Variants in LEF1 observed in about 807,000 individuals in gnomAD.
LEF1 encodes the protein lymphoid enhancer binding factor 1.
Under a neutral mutation model 51.2 loss-of-function variants are expected in LEF1, and 14 were observed. The ratio of observed to expected loss-of-function variants is 0.27; its 90% CI spans 0.18 to 0.43. The LOEUF is 0.43. Among genes scored for constraint, LEF1 ranks in the 20% least tolerant of loss-of-function variants. The pLI is 1.00. For missense variants in LEF1, 386 were observed against 512.0 expected (o/e 0.75, Z 2.37); for synonymous variants, 185 against 183.2 (o/e 1.01, Z -0.08).
At chr4:108,075,391 C>T (rs773466336) in intron 8 of LEF1, 54 of 152,138 alleles carry the variant, frequency 3.5e-4, no homozygotes, top group Non-Finnish European at 7.1e-4. Flanking sequence ...AAATTATCAT[C>T]GACAATAGCT....
chr4:108,062,611 T>A (rs1291758974), intron 11 of LEF1, among the ~76,000 whole-genome samples: 4 of 152,140 alleles, frequency 2.6e-5, no homozygotes, highest in Admixed American at 2.6e-4. Flanking sequence ...GGTCGGGAAG[T>A]GATGCACAAT....
At chr4:108,074,360 C>G (rs2126280104) in intron 8 of LEF1, among the ~76,000 whole-genome samples, 1 of 152,228 alleles carries the variant, frequency 6.6e-6, no homozygotes, top group Non-Finnish European at 1.5e-5. Context: ...AAAACATTCT[C>G]ATGACAAATT....
At chr4:108,052,348 C>G (rs376663689) in intron 11 of LEF1, among the ~76,000 whole-genome samples, 1 of 152,236 alleles carries the variant, frequency 6.6e-6, no homozygotes, top group Non-Finnish European at 1.5e-5. Flanking sequence ...CTTCCTTTTA[C>G]GCCACTCTCA....
rs1475742808 is a variant in LEF1, at chr4:108,096,010, A to AT, written c.415-6754dup. 3.9e-5 allele frequency among the ~76,000 whole-genome samples: 6 copies of AT among 152,180 alleles called. No individual in the cohort carries two copies. The East Asian group carries it at 1.2e-3, about 29-fold the overall frequency. ...CCCTAATCATCTAAGTACTCCATTA[A>AT]TTTTTCATGTTGAAGAAAATACTTT... On this transcript the variant is annotated intron_variant, in intron 3 of 11. Coordinates refer to ENST00000265165, the MANE Select transcript of LEF1 (RefSeq NM_016269.5).
At chr4:108,166,458 G>A in intron 1 of LEF1, 1 of 1,395,084 alleles carries the variant, frequency 7.2e-7, no homozygotes, top group Non-Finnish European at 9.3e-7. Context: ...TCATTCGGGT[G>A]TCAGGACTTT....
In LEF1 at chr4:108,079,503, G is replaced by T. The variant is rs539588877; in HGVS notation, c.834C>A (p.Asp278Glu). ...GGGTGGATACTTACACGTGCATTAG[G>T]TCACTGTCAGTGTGGGGATGTTCCT... The part of the protein sequence containing the change: ...VKQEHPHTDS[D>E]LMHVKPQHEQ... Residue 278 changes from aspartate to glutamate, a missense_variant, in exon 7 of 12, where the codon GAC becomes GAA. Physicochemically the swap from Asp to Glu is conservative, Grantham distance 45. Coordinates refer to ENST00000265165, the MANE Select transcript of LEF1 (RefSeq NM_016269.5). The T allele has an allele frequency of 1.2e-6, 2 of 1,614,144 alleles. No homozygotes were observed. The highest frequency in any genetic ancestry group is 1.7e-6 in the Non-Finnish European group (2 of 1,180,014).
chr4:108,058,953 C>T (rs1292331854), intron 11 of LEF1, among the ~76,000 whole-genome samples: 1 of 152,174 alleles, frequency 6.6e-6, no homozygotes, highest in Non-Finnish European at 1.5e-5. Context: ...CCCAGCATTC[C>T]CACAAATGAC....
chr4:108,086,462 C>T (rs1319026965), intron 4 of LEF1, among the ~76,000 whole-genome samples: 1 of 152,086 alleles, frequency 6.6e-6, no homozygotes. Context: ...TGAGCGTAGC[C>T]TTTAAGATTT....
At chr4:108,112,061 C>T (rs1410674239) in intron 3 of LEF1, among the ~76,000 whole-genome samples, 1 of 152,178 alleles carries the variant, frequency 6.6e-6, no homozygotes, top group East Asian at 1.9e-4. Flanking sequence ...TCTGAGTATG[C>T]AAAGAGCTCG....
Position 108,089,222 on chromosome 4 carries a change from C to G in LEF1, c.450G>C (p.Ala150=). 6 of 1,613,920 alleles carry G rather than the reference C, an allele frequency of 3.7e-6. No individual in the cohort carries two copies. Among genetic ancestry groups the G allele is most frequent in the Non-Finnish European group, 5.1e-6 (6 of 1,179,956 alleles). Residue 150 remains alanine, a synonymous_variant, in exon 4 of 12, where the codon GCG becomes GCC. Coordinates refer to ENST00000265165, the MANE Select transcript of LEF1 (RefSeq NM_016269.5). ...TGATGAGGGGGGTGAGAGGATGGACCGCATGGGATGGCTGCACCACGGGCA... is the reference window on the plus strand; with the variant it reads ...TGATGAGGGGGGTGAGAGGATGGACGGCATGGGATGGCTGCACCACGGGCA... The part of the protein sequence containing the change: ...NKVPVVQPSH[A]VHPLTPLITY...
At chr4:108,114,051 A>G (rs1741690827) in intron 3 of LEF1, among the ~76,000 whole-genome samples, 1 of 152,176 alleles carries the variant, frequency 6.6e-6, no homozygotes, top group Admixed American at 6.6e-5. Flanking sequence ...ATTACTCAAA[A>G]ATTTTGAGCT....
chr4:108,123,234 ATATGAAC>A (rs1216495728), intron 3 of LEF1, among the ~76,000 whole-genome samples: 1 of 152,150 alleles, frequency 6.6e-6, no homozygotes, highest in Non-Finnish European at 1.5e-5. Flanking sequence ...ACCCTTGATA[ATATGAAC>A]TAAGACTGCA....
chr4:108,131,752 G>A (rs990492880), intron 3 of LEF1, among the ~76,000 whole-genome samples: 1 of 152,004 alleles, frequency 6.6e-6, no homozygotes, highest in Non-Finnish European at 1.5e-5. Flanking sequence ...ATAAAACCCT[G>A]CCTTTATGCA....
intron 7 of LEF1, 41 bp downstream of exon 7, chr4:108,079,451 T>C: frequency 1.2e-6 from 2 of 1,608,506 alleles, no homozygotes; most frequent in Non-Finnish European, 1.7e-6. Context: ...AAATCCTCAG[T>C]ATCCTAAGGC....
chr4:108,110,786 A>G (rs1483066600), intron 3 of LEF1, among the ~76,000 whole-genome samples: 1 of 152,234 alleles, frequency 6.6e-6, no homozygotes, highest in Non-Finnish European at 1.5e-5. Flanking sequence ...TGTAGTAAGA[A>G]TTACAGAAAA....
intron 3 of LEF1, among the ~76,000 whole-genome samples, chr4:108,129,965 C>T (rs914652209): frequency 4.6e-5 from 7 of 152,158 alleles, no homozygotes; most frequent in African/African-American, 1.7e-4. Context: ...ACATGGTCCT[C>T]TTAAGCTGTG....
intron 8 of LEF1, chr4:108,075,316 G>A (rs1257683974): frequency 1.3e-5 from 2 of 152,184 alleles, no homozygotes; most frequent in African/African-American, 4.8e-5. Context: ...CACATGGACT[G>A]GAAATCTCCT....
At chr4:108,086,828 T>G (rs7378041) in intron 4 of LEF1, among the ~76,000 whole-genome samples, 1 of 21,046 alleles carries the variant, frequency 4.8e-5, no homozygotes, top group African/African-American at 9.4e-5. Context: ...ACACACACAC[T>G]TACACACACA....
At chr4:108,079,042 G>C (rs1033313050) in intron 7 of LEF1, among the ~76,000 whole-genome samples, 2 of 152,178 alleles carry the variant, frequency 1.3e-5, no homozygotes, top group African/African-American at 4.8e-5. Flanking sequence ...AGGGAATCCT[G>C]GGCTTTATTT....
Sources: allele counts gnomAD v4.1 joint callset (sites outside exome capture counted in the v4.1 genomes callset), GRCh38; gene constraint gnomAD v4.1.1; transcripts MANE v1.5; gene names NCBI Gene and HGNC (gene_info 2026-07-23, HGNC 2026-07-21).